NOS1AP: variants seen among roughly 807,000 people sequenced by gnomAD.
NOS1AP encodes the protein carboxyl-terminal PDZ ligand of neuronal nitric oxide synthase protein.
In NOS1AP, 21 loss-of-function variants were observed where a neutral mutation model predicts 56.2. The ratio of observed to expected loss-of-function variants is 0.37; its 90% CI spans 0.26 to 0.54. The LOEUF is 0.54. Among genes scored for constraint, NOS1AP ranks in the 20% least tolerant of loss-of-function variants. The pLI is 0.84. For synonymous variants in NOS1AP, 270 were observed against 274.6 expected (o/e 0.98, Z 0.17); for missense variants, 522 against 657.8 (o/e 0.79, Z 2.26).
intron 6 of NOS1AP, among the ~76,000 whole-genome samples, chr1:162,348,068 C>T (rs773457757): frequency 6.6e-6 from 1 of 152,184 alleles, no homozygotes; most frequent in Admixed American, 6.5e-5. Context: ...TATAGCATAG[C>T]GTCCTCTGTC....
At chr1:162,216,916 A>C (rs1227328447) in intron 2 of NOS1AP, among the ~76,000 whole-genome samples, 1 of 152,194 alleles carries the variant, frequency 6.6e-6, no homozygotes, top group Non-Finnish European at 1.5e-5. Context: ...GGATTAGATG[A>C]GTTAACACAT....
Position 162,259,680 on chromosome 1 carries a change from C to T in NOS1AP, c.178-27664C>T, listed in dbSNP as rs144572095. On this transcript the variant is annotated intron_variant, in intron 2 of 9. Transcript: ENST00000361897. ...GTAAATCCACACAGTTACAAAGCCA[C>T]AAAGCAGTAAAAGAGTATGAAATGT... Among the ~76,000 whole-genome samples the T allele has an allele frequency of 2.4e-3, 361 of 152,174 alleles. 3 individuals carry two copies. Among genetic ancestry groups the T allele is most frequent in the African/African-American group, 8.1e-3 (335 of 41,526 alleles).
intron 2 of NOS1AP, among the ~76,000 whole-genome samples, chr1:162,210,603 G>A (rs1046544027): frequency 1.3e-5 from 2 of 152,176 alleles, no homozygotes; most frequent in Admixed American, 6.5e-5. Flanking sequence ...TGGAGTTGCT[G>A]TTCCACTCTG....
At chr1:162,344,729 G>A (rs1657222632) in intron 6 of NOS1AP, among the ~76,000 whole-genome samples, 1 of 149,642 alleles carries the variant, frequency 6.7e-6, no homozygotes, top group Non-Finnish European at 1.5e-5. Context: ...AAGTCAGGAA[G>A]GAGACAATAA....
intron 1 of NOS1AP, among the ~76,000 whole-genome samples, chr1:162,089,971 CAT>C (rs1283773686): frequency 6.6e-6 from 1 of 152,178 alleles, no homozygotes; most frequent in Admixed American, 6.5e-5. Flanking sequence ...CTAATACAAT[CAT>C]ATAGTCATTA....
At chr1:162,143,851 T>G (rs1649339797) in intron 1 of NOS1AP, among the ~76,000 whole-genome samples, 1 of 152,168 alleles carries the variant, frequency 6.6e-6, no homozygotes, top group Non-Finnish European at 1.5e-5. Flanking sequence ...CTTGGTGAGT[T>G]TAAGTACTTA....
At chr1:162,160,026 A>G (rs1473944155) in intron 2 of NOS1AP, among the ~76,000 whole-genome samples, 1 of 152,046 alleles carries the variant, frequency 6.6e-6, no homozygotes, top group Non-Finnish European at 1.5e-5. Flanking sequence ...AAACCAGGGG[A>G]TAGATCCCTG....
intron 1 of NOS1AP, among the ~76,000 whole-genome samples, chr1:162,112,467 A>G (rs531476731): frequency 6.6e-6 from 1 of 152,276 alleles, no homozygotes; most frequent in South Asian, 2.1e-4. Flanking sequence ...TCTGGGTTCC[A>G]ATTGGTTTAT....
chr1:162,240,074 G>A (rs1001343284), intron 2 of NOS1AP, among the ~76,000 whole-genome samples: 6 of 152,130 alleles, frequency 3.9e-5, no homozygotes, highest in South Asian at 2.1e-4. Context: ...CACCTGCCAC[G>A]CTAGAGACAC....
chr1:162,089,734 G>C (rs967703504), intron 1 of NOS1AP, among the ~76,000 whole-genome samples: 2 of 152,174 alleles, frequency 1.3e-5, no homozygotes, highest in Non-Finnish European at 2.9e-5. Context: ...GGCAGATATT[G>C]GAGTGATGTG....
At chr1:162,105,397 A>G (rs2210942) in intron 1 of NOS1AP, among the ~76,000 whole-genome samples, 77,165 of 152,154 alleles carry the variant, frequency 0.51, 21,746 homozygotes, top group Non-Finnish European at 0.64. Flanking sequence ...TCAGGGACCC[A>G]CCCAAAGAAG....
intron 2 of NOS1AP, among the ~76,000 whole-genome samples, chr1:162,270,610 C>A (rs985760916): frequency 7.2e-5 from 11 of 151,976 alleles, no homozygotes; most frequent in Non-Finnish European, 4.4e-5. Context: ...AGGGACTGAG[C>A]GAGGGATTTG....
At chr1:162,296,600 A>T (rs908695623) in intron 3 of NOS1AP, among the ~76,000 whole-genome samples, 3 of 152,172 alleles carry the variant, frequency 2.0e-5, no homozygotes, top group African/African-American at 7.2e-5. Flanking sequence ...GATCCTGCTA[A>T]TGCTCATTCT....
intron 1 of NOS1AP, among the ~76,000 whole-genome samples, chr1:162,070,713 A>G (rs528687422): frequency 6.6e-6 from 1 of 152,154 alleles, no homozygotes; most frequent in African/African-American, 2.4e-5. Flanking sequence ...TTAAAAGAGG[A>G]ATGCCTGCTT....
At chr1:162,292,645 G>A (rs1218424115) in intron 3 of NOS1AP, among the ~76,000 whole-genome samples, 1 of 152,060 alleles carries the variant, frequency 6.6e-6, no homozygotes, top group Non-Finnish European at 1.5e-5. Flanking sequence ...TGATCTTTTT[G>A]GACCCCTTTG....
At chr1:162,319,165 T>TA (rs1656328433) in intron 4 of NOS1AP, among the ~76,000 whole-genome samples, 1 of 152,126 alleles carries the variant, frequency 6.6e-6, no homozygotes, top group African/African-American at 2.4e-5. Context: ...CTCCCCTGTT[T>TA]GTAGATGAGA....
intron 2 of NOS1AP, among the ~76,000 whole-genome samples, chr1:162,158,284 T>C (rs779306747): frequency 2.6e-5 from 4 of 152,344 alleles, no homozygotes; most frequent in Non-Finnish European, 4.4e-5. Context: ...TAGCATAATG[T>C]CATCAAGGTT....
chr1:162,328,692 C>T (rs1215646289), intron 4 of NOS1AP, among the ~76,000 whole-genome samples: 1 of 152,200 alleles, frequency 6.6e-6, no homozygotes, highest in Non-Finnish European at 1.5e-5. Context: ...GGCTGAAATC[C>T]AGGTCTGTCC....
chr1:162,291,294 G>A (rs1381498323), intron 3 of NOS1AP, among the ~76,000 whole-genome samples: 4 of 152,172 alleles, frequency 2.6e-5, no homozygotes, highest in African/African-American at 9.7e-5. Context: ...ACTTGCCTGG[G>A]CACCAGACAC....
Sources: gnomAD v4.1 joint callset for allele counts (sites outside exome capture counted in the v4.1 genomes callset) on GRCh38, gnomAD v4.1.1 for gene constraint, MANE v1.5 for transcripts, NCBI Gene and HGNC (gene_info 2026-07-23, HGNC 2026-07-21) for gene names.